The following GALR1 variants were observed in gnomAD, a reference collection of about 807,000 sequenced individuals.
The protein encoded by GALR1 is galanin receptor 1, also known as galanin receptor type 1.
Under a neutral mutation model 17.9 loss-of-function variants are expected in GALR1, and 11 were observed. The ratio of observed to expected loss-of-function variants is 0.62; its 90% CI spans 0.39 to 1.02. GALR1 has a LOEUF of 1.02. Among genes scored for constraint, GALR1 ranks in the 50% least tolerant of loss-of-function variants. The pLI is 0.01. For synonymous variants in GALR1, 206 were observed against 205.7 expected, an observed-to-expected ratio of 1.00 and a Z score of -0.01; for missense variants, 441 against 456.9, an observed-to-expected ratio of 0.97 and a Z score of 0.32.
At chr18:77,252,854 A>G (rs534556219) in intron 1 of GALR1, among the ~76,000 whole-genome samples, 12 of 52,636 alleles carry the variant, frequency 2.3e-4, no homozygotes, top group African/African-American at 6.9e-4. Context: ...CTGTCTCAAA[A>G]CACCACCACC....
Position 77,270,528 on chromosome 18 carries a change from ATGTGTGTGTGTGTG to A in GALR1, c.*1648_*1661del, listed in dbSNP as rs34420045. ...GACTCTGTCTAAAATATATATATAT[ATGTGTGTGTGTGTG>A]TGTGTGTGTGTGTGTGTGTGTAATG... On this transcript the variant is annotated 3_prime_UTR_variant, in exon 3 of 3. Coordinates refer to ENST00000299727, the MANE Select transcript of GALR1 (RefSeq NM_001480.4). 14 of 143,104 alleles carry A rather than the reference ATGTGTGTGTGTGTG, an allele frequency of 9.8e-5. No homozygotes were observed. The highest frequency in any genetic ancestry group is 6.3e-4 in the Admixed American group (9 of 14,248). 8.9% of individuals were successfully genotyped at this position (143,104 alleles called of 1,614,324 possible).
chr18:77,254,870 G>A (rs777574762), intron 1 of GALR1, among the ~76,000 whole-genome samples: 6 of 152,194 alleles, frequency 3.9e-5, no homozygotes, highest in South Asian at 4.1e-4. Context: ...AGTCATTTCA[G>A]GAAGTGGGAA....
In GALR1 at chr18:77,256,633, C is replaced by T. The variant is rs141287115; in HGVS notation, c.732+410C>T. On this transcript the variant is annotated intron_variant, in intron 2 of 2. Coordinates refer to ENST00000299727, the MANE Select transcript of GALR1 (RefSeq NM_001480.4). ...GATTCCGAAAAGCCCTGGTTTGGTTCTTGTTTAAGACAACATTGTTATAAT... is the reference window on the plus strand; with the variant it reads ...GATTCCGAAAAGCCCTGGTTTGGTTTTTGTTTAAGACAACATTGTTATAAT... Among the ~76,000 whole-genome samples the T allele has an allele frequency of 2.8e-3, 427 of 152,238 alleles. 3 individuals carry two copies. Among genetic ancestry groups the T allele is most frequent in the African/African-American group, 9.4e-3 (390 of 41,546 alleles).
chr18:77,264,609 C>G (rs1912906915), intron 2 of GALR1, among the ~76,000 whole-genome samples: 1 of 152,036 alleles, frequency 6.6e-6, no homozygotes, highest in Admixed American at 6.6e-5. Context: ...TTAGTCTGTT[C>G]TTGCACTGCT....
intron 2 of GALR1, among the ~76,000 whole-genome samples, chr18:77,265,129 G>A (rs1313208747): frequency 2.6e-5 from 4 of 152,148 alleles, no homozygotes; most frequent in Non-Finnish European, 2.9e-5. Flanking sequence ...TTGCCTATAA[G>A]CCTTTACAAT....
chr18:77,252,209 G>A (rs983228962), intron 1 of GALR1, among the ~76,000 whole-genome samples: 1 of 151,610 alleles, frequency 6.6e-6, no homozygotes, highest in African/African-American at 2.4e-5. Context: ...TTTGACATAC[G>A]TGTTTTTATT....
chr18:77,252,896 T>TCACCACCACCACCACCATCAC (rs1912465988), intron 1 of GALR1, among the ~76,000 whole-genome samples: 1 of 78,214 alleles, frequency 1.3e-5, no homozygotes, highest in Non-Finnish European at 2.5e-5. Flanking sequence ...ACCACCACCA[T>TCACCACCACCACCACCATCAC]CACCACCACC....
chr18:77,259,889 G>A (rs1057418244), intron 2 of GALR1, among the ~76,000 whole-genome samples: 2 of 151,970 alleles, frequency 1.3e-5, no homozygotes, highest in Non-Finnish European at 2.9e-5. Flanking sequence ...AGAATACATG[G>A]CAACTTCCCT....
At chr18:77,264,027 A>C (rs1265043644) in intron 2 of GALR1, among the ~76,000 whole-genome samples, 1 of 149,514 alleles carries the variant, frequency 6.7e-6, no homozygotes, top group Non-Finnish European at 1.5e-5. Flanking sequence ...CCAGCTACTC[A>C]GGTAGGTGAG....
chr18:77,276,739 T>G lies in GALR1; in HGVS notation c.*7837T>G, dbSNP rs1259055600. The G allele has an allele frequency of 6.6e-6, 1 of 152,208 alleles. No homozygotes were observed. Among genetic ancestry groups the G allele is most frequent in the Non-Finnish European group, 1.5e-5 (1 of 68,030 alleles). The allele number at this position is 152,208 out of a possible 1,614,324, so 9.4% of individuals were successfully genotyped here. A position where few individuals can be genotyped will look rare whatever the true frequency, so the allele number is the denominator to read the frequency against. ...TAAAGTCTAAGCTTCTATGGTTCTG[T>G]GAAAAAAATTGTTTACATGGAATTT... is the stretch of plus-strand genomic sequence containing the variant. On this transcript the variant is annotated 3_prime_UTR_variant, in exon 3 of 3. Transcript: ENST00000299727.
rs373999763 is a variant in GALR1 at position 77,251,588 on chromosome 18, C to A, written c.666+374C>A. 6.4e-4 allele frequency among the ~76,000 whole-genome samples: 97 copies of A among 152,370 alleles called. 1 individual carries two copies. Among genetic ancestry groups the A allele is most frequent in the Middle Eastern group, 3.4e-3 (1 of 294 alleles). On this transcript the variant is annotated intron_variant, in intron 1 of 2. Transcript: ENST00000299727. ...GCCGCATCCTTCCCGGTACAGCAAACCCCGCTCGGTTCCAGCAACTCTTCA... is the reference window on the plus strand; with the variant it reads ...GCCGCATCCTTCCCGGTACAGCAAAACCCGCTCGGTTCCAGCAACTCTTCA...
At chr18:77,265,146 C>T (rs909002860) in intron 2 of GALR1, among the ~76,000 whole-genome samples, 1 of 152,160 alleles carries the variant, frequency 6.6e-6, no homozygotes, top group African/African-American at 2.4e-5. Flanking sequence ...CAATCAAAAG[C>T]ACGTACCTAT....
chr18:77,251,243 G>GC, intron 1 of GALR1, 29 bp downstream of exon 1: 1 of 1,568,172 alleles, frequency 6.4e-7, no homozygotes, highest in Non-Finnish European at 8.7e-7. Context: ...GCCGAGACGC[G>GC]CGAGGGAGGG....
In GALR1 at chr18:77,251,013, C is replaced by A. The variant is rs747827414; in HGVS notation, c.465C>A (p.Gly155=). Residue 155 remains glycine, a synonymous_variant, in exon 1 of 3, where the codon GGC becomes GGA. Coordinates refer to ENST00000299727, the MANE Select transcript of GALR1 (RefSeq NM_001480.4). ...SLRVSRNALL[G]VGCIWALSIA... ...GGGTGTCCCGCAACGCGCTGCTGGG[C>A]GTGGGCTGCATCTGGGCGCTGTCCA... 1 of 1,605,200 alleles carries A rather than the reference C, an allele frequency of 6.2e-7. No individual in the cohort carries two copies. Among genetic ancestry groups the A allele is most frequent in the South Asian group, 1.1e-5 (1 of 91,062 alleles).
intron 2 of GALR1, among the ~76,000 whole-genome samples, chr18:77,260,877 A>T (rs1341189482): frequency 6.6e-6 from 1 of 152,180 alleles, no homozygotes; most frequent in Non-Finnish European, 1.5e-5. Context: ...AGAAAATTGG[A>T]TTAAAGGACC....
chr18:77,258,941 GATGGTGGTC>G lies in GALR1; in HGVS notation c.732+2735_732+2743del, dbSNP rs796391471. On this transcript the variant is annotated intron_variant, in intron 2 of 2. Transcript: ENST00000299727. ...TGGTGATGATGGTCATGGTGGTGAT[GATGGTGGTC>G]ATGGTGGTCATGGTGGCGATTGTGG... Among the ~76,000 whole-genome samples, 643 of 139,750 alleles carry G rather than the reference GATGGTGGTC, an allele frequency of 4.6e-3. 3 individuals carry two copies. The highest frequency in any genetic ancestry group is 0.014 in the African/African-American group (505 of 34,986). 91.7% of individuals were successfully genotyped at this position (139,750 alleles called of 152,430 possible).
intron 2 of GALR1, among the ~76,000 whole-genome samples, chr18:77,259,389 G>GTTGGTT (rs1385372961): frequency 7.0e-6 from 1 of 143,844 alleles, no homozygotes; most frequent in Non-Finnish European, 1.6e-5. Context: ...TGGTGTTGGT[G>GTTGGTT]TTGGTGGTGG....
At position 77,268,881 on chromosome 18, in the gene GALR1, A is replaced by T; in HGVS notation, c.1029A>T (p.Ser343=). 6.2e-7 allele frequency: 1 copy of T among 1,611,984 alleles called. No homozygotes were observed. The highest frequency in any genetic ancestry group is 1.1e-5 in the South Asian group (1 of 91,030). The change falls in exon 3 of 3, where the codon TCA becomes TCT. Residue 343 remains serine (S), a synonymous_variant. Transcript: ENST00000299727. ...ESKSRIDTPP[S]TNCTHV ...AAAGTCGAATAGACACCCCACCATC[A>T]ACCAATTGTACTCATGTGTGATAAA... is the stretch of plus-strand genomic sequence containing the variant.
At position 77,259,441 on chromosome 18, in the gene GALR1, A is replaced by ATGGTCATGG. The variant is rs1555672832; in HGVS notation, c.732+3222_732+3223insCATGGTGGT. On this transcript the variant is annotated intron_variant, in intron 2 of 2. Coordinates refer to ENST00000299727, the MANE Select transcript of GALR1 (RefSeq NM_001480.4). ...GGTGATGATGGTCATGGTGGTGATG[A>ATGGTCATGG]TGGTGATCATGGTGGTGATGGTGGT... Among the ~76,000 whole-genome samples, 11 of 135,414 alleles carry ATGGTCATGG rather than the reference A, an allele frequency of 8.1e-5. 1 individual carries two copies. Among genetic ancestry groups the ATGGTCATGG allele is most frequent in the Admixed American group, 8.0e-4 (11 of 13,800 alleles). 88.8% of individuals were successfully genotyped at this position (135,414 alleles called of 152,430 possible).
Sources: allele counts gnomAD v4.1 joint callset (sites outside exome capture counted in the v4.1 genomes callset), GRCh38; gene constraint gnomAD v4.1.1; transcripts MANE v1.5; gene names NCBI Gene and HGNC (gene_info 2026-07-23, HGNC 2026-07-21).